RAD51B: variants seen among roughly 807,000 people sequenced by gnomAD.
The protein encoded by RAD51B is RAD51 paralog B, also known as DNA repair protein RAD51 homolog 2.
A neutral mutation model predicts 42.2 loss-of-function variants in RAD51B; 38 were observed. That is an observed-to-expected ratio of 0.90 (90% CI 0.70 to 1.18). RAD51B has a LOEUF of 1.18. Among genes scored for constraint, RAD51B ranks in the 50% most tolerant of loss-of-function variants. The probability of loss-of-function intolerance (pLI) is 0.00; values close to 1 mark genes in which losing one functional copy is unlikely to be tolerated. For missense variants in RAD51B, 373 were observed against 400.7 expected, an observed-to-expected ratio of 0.93 and a Z score of 0.59; for synonymous variants, 154 against 145.2, an observed-to-expected ratio of 1.06 and a Z score of -0.43.
intron 10 of RAD51B, among the ~76,000 whole-genome samples, chr14:68,590,465 G>A (rs1890689998): frequency 2.0e-5 from 3 of 152,238 alleles, no homozygotes; most frequent in Admixed American, 2.0e-4. Flanking sequence ...AGCGTTGGGG[G>A]TTGCCTGTCC....
intron 8 of RAD51B, among the ~76,000 whole-genome samples, chr14:68,373,814 G>A (rs2083308825): frequency 6.6e-6 from 1 of 152,130 alleles, no homozygotes; most frequent in Non-Finnish European, 1.5e-5. Flanking sequence ...AAGATTTTAA[G>A]TTCAGTCTTT....
rs2140132713 is a variant in RAD51B, at chr14:67,920,302, C to G, written c.756+33098C>G. Reference sequence around the variant, plus strand: ...ATTTTTTTTCTTGTTGAATTTTTTTCAACTCTAACGTTATTTTGTTGTTGG... The same window carrying G: ...ATTTTTTTTCTTGTTGAATTTTTTTGAACTCTAACGTTATTTTGTTGTTGG... On this transcript the variant is annotated intron_variant, in intron 7 of 10. Transcript: ENST00000471583. 5.3e-5 allele frequency among the ~76,000 whole-genome samples: 8 copies of G among 151,882 alleles called. 1 individual carries two copies. In the Middle Eastern group the frequency reaches 0.02, roughly 387 times the overall value.
chr14:68,642,153 T>C (rs541873396), intron 10 of RAD51B, among the ~76,000 whole-genome samples: 11 of 152,352 alleles, frequency 7.2e-5, no homozygotes, highest in African/African-American at 1.4e-4. Flanking sequence ...TGCTTCTATC[T>C]TCTGAAAGAG....
rs372109393 is a variant in RAD51B at position 68,602,500 on chromosome 14, G to A, written c.1037-8506G>A. On this transcript the variant is annotated intron_variant, in intron 10 of 10. Transcript: ENST00000487861. The stretch of plus-strand genomic sequence containing the variant: ...GTGGGTGGATGGATGATGGATGGAT[G>A]GATAGCTAGATAGATAGCTAGCTAG... Among the ~76,000 whole-genome samples the A allele has an allele frequency of 5.2e-5, 7 of 135,380 alleles. No individual in the cohort carries two copies. The East Asian group carries it at 1.4e-3, about 27-fold the overall frequency. 88.8% of individuals were successfully genotyped at this position (135,380 alleles called of 152,430 possible).
chr14:68,338,029 C>G (rs545976407), intron 8 of RAD51B, among the ~76,000 whole-genome samples: 7 of 152,152 alleles, frequency 4.6e-5, no homozygotes, highest in African/African-American at 1.7e-4. Flanking sequence ...TGGGTTCAAG[C>G]AATCCTCCTG....
intron 8 of RAD51B, among the ~76,000 whole-genome samples, chr14:68,351,684 C>G (rs2082792617): frequency 6.6e-6 from 1 of 152,156 alleles, no homozygotes; most frequent in Non-Finnish European, 1.5e-5. Context: ...GGAGAGGAGT[C>G]AGCGTGGACA....
intron 7 of RAD51B, among the ~76,000 whole-genome samples, chr14:67,952,690 G>A (rs1255690908): frequency 6.6e-6 from 1 of 152,134 alleles, no homozygotes; most frequent in East Asian, 1.9e-4. Flanking sequence ...GCCGGAAGTA[G>A]GAGTAGTAGG....
chr14:68,492,281 A>T (rs1884139312), intron 10 of RAD51B, among the ~76,000 whole-genome samples: 1 of 152,218 alleles, frequency 6.6e-6, no homozygotes, highest in Non-Finnish European at 1.5e-5. Context: ...TTATCGCTAT[A>T]CAAGGTAATA....
chr14:68,621,147 C>T (rs17106046), intron 10 of RAD51B, among the ~76,000 whole-genome samples: 10,578 of 152,224 alleles, frequency 0.069, 988 homozygotes, highest in East Asian at 0.5. Context: ...GGGAATACCA[C>T]GCTTATTGTT....
In RAD51B at chr14:67,925,279, C is replaced by CT. The variant is rs113443943; in HGVS notation, c.756+38085dup. 1.1e-3 allele frequency among the ~76,000 whole-genome samples: 159 copies of CT among 149,242 alleles called. 1 individual carries two copies. In the East Asian group the frequency reaches 0.017, roughly 16 times the overall value. On this transcript the variant is annotated intron_variant, in intron 7 of 10. Coordinates refer to ENST00000471583, the MANE Select transcript of RAD51B (RefSeq NM_133510.4). ...AGCTGTTGGTGGATTTACCATTCTT[C>CT]TTTTTTTTTTGAGACAGAGTCTCGC...
intron 10 of RAD51B, among the ~76,000 whole-genome samples, chr14:68,584,065 C>T (rs550563200): frequency 4.0e-5 from 6 of 149,302 alleles, no homozygotes; most frequent in Non-Finnish European, 6.0e-5. Flanking sequence ...GATGCCCAGG[C>T]GCCCCCCCAC....
intron 7 of RAD51B, among the ~76,000 whole-genome samples, chr14:68,259,242 C>G (rs1452908454): frequency 2.1e-5 from 3 of 145,594 alleles, no homozygotes; most frequent in South Asian, 4.4e-4. Flanking sequence ...TCTCATTGTT[C>G]AATTCCCACC....
chr14:68,562,320 G>T lies in RAD51B; in HGVS notation c.1037-32165G>T, dbSNP rs1360380242. 1.0e-5 allele frequency: 10 copies of T among 985,318 alleles called. No homozygotes were observed. The Admixed American group carries it at 5.5e-4, about 55-fold the overall frequency. The allele number at this position is 985,318 out of a possible 1,614,324, so 61.0% of individuals were successfully genotyped here. On this transcript the variant is annotated intron_variant, in intron 10 of 10. Coordinates refer to the RAD51B transcript ENST00000487270. ...AACGCCAAACCTCTGCCTGACGAAG[G>T]CTGTGTGATCTACAGGGTGAGACAG... is the stretch of plus-strand genomic sequence containing the variant.
intron 8 of RAD51B, among the ~76,000 whole-genome samples, chr14:68,337,413 T>C (rs899195672): frequency 2.0e-5 from 3 of 152,350 alleles, no homozygotes; most frequent in African/African-American, 7.2e-5. Context: ...CCACAGTTTT[T>C]CTGTGTGAAA....
chr14:67,821,133 C>T (rs1386075785), intron 1 of RAD51B, among the ~76,000 whole-genome samples: 1 of 152,228 alleles, frequency 6.6e-6, no homozygotes, highest in Non-Finnish European at 1.5e-5. Context: ...TTTGGGGCTT[C>T]TTCCTGTCTG....
chr14:68,368,276 C>T (rs1158518069), intron 8 of RAD51B, among the ~76,000 whole-genome samples: 1 of 152,184 alleles, frequency 6.6e-6, no homozygotes, highest in Admixed American at 6.5e-5. Flanking sequence ...CACACAGCCT[C>T]GAACAAGTTA....
chr14:68,021,691 A>G (rs897211265), intron 7 of RAD51B, among the ~76,000 whole-genome samples: 6 of 152,212 alleles, frequency 3.9e-5, no homozygotes, highest in African/African-American at 1.4e-4. Flanking sequence ...GACTGCTGCA[A>G]TAAAGCAGTT....
intron 10 of RAD51B, among the ~76,000 whole-genome samples, chr14:68,642,824 T>C (rs1892489714): frequency 6.6e-6 from 1 of 152,246 alleles, no homozygotes; most frequent in Admixed American, 6.5e-5. Flanking sequence ...TAAATCCAAG[T>C]ATTTTTAAAT....
intron 10 of RAD51B, among the ~76,000 whole-genome samples, chr14:68,581,371 T>G (rs543892255): frequency 2.0e-5 from 3 of 152,334 alleles, no homozygotes; most frequent in South Asian, 2.1e-4. Context: ...GGAAGCGTTC[T>G]GAGTACACTG....
Sources: gnomAD v4.1 joint callset for allele counts (sites outside exome capture counted in the v4.1 genomes callset) on GRCh38, gnomAD v4.1.1 for gene constraint, MANE v1.5 for transcripts, NCBI Gene and HGNC (gene_info 2026-07-23, HGNC 2026-07-21) for gene names.